Variants in DOCK1 observed in about 807,000 individuals in gnomAD.
The protein encoded by DOCK1 is dedicator of cytokinesis protein 1.
DOCK1 carries 138 observed loss-of-function variants against 262.7 expected under a neutral mutation model. That is an observed-to-expected ratio of 0.53 (90% CI 0.46 to 0.61). The LOEUF (loss-of-function observed/expected upper bound fraction) is 0.61. Ranked by LOEUF, DOCK1 falls within the 20% of genes least tolerant of loss-of-function variation. The probability of loss-of-function intolerance (pLI) is 0.00; values close to 1 mark genes in which losing one functional copy is unlikely to be tolerated. For synonymous variants in DOCK1, 866 were observed against 867.4 expected, an observed-to-expected ratio of 1.00 and a Z score of 0.03; for missense variants, 1,908 against 2,370.7, an observed-to-expected ratio of 0.80 and a Z score of 4.05.
chr10:127,121,256 T>C (rs2049546020), intron 25 of DOCK1, among the ~76,000 whole-genome samples: 1 of 151,742 alleles, frequency 6.6e-6, no homozygotes, highest in Non-Finnish European at 1.5e-5. Flanking sequence ...TGGTGGATTA[T>C]TTGTTGGCTT....
At chr10:127,412,471 A>C (rs1437906457) in intron 43 of DOCK1, among the ~76,000 whole-genome samples, 1 of 151,090 alleles carries the variant, frequency 6.6e-6, no homozygotes, top group African/African-American at 2.4e-5. Context: ...TGCCTGGGAA[A>C]CCTCCGGAAA....
At chr10:127,086,054 G>C (rs930191095) in intron 23 of DOCK1, among the ~76,000 whole-genome samples, 1 of 152,122 alleles carries the variant, frequency 6.6e-6, no homozygotes, top group Admixed American at 6.5e-5. Flanking sequence ...TGCTATGGGA[G>C]GTGCTGGAAA....
chr10:126,913,608 T>C (rs575083754), intron 1 of DOCK1, among the ~76,000 whole-genome samples: 3 of 152,208 alleles, frequency 2.0e-5, no homozygotes, highest in Non-Finnish European at 4.4e-5. Flanking sequence ...TGATGATGAC[T>C]TACAAGCTCA....
At chr10:127,222,421 A>G (rs1301323917) in intron 27 of DOCK1, among the ~76,000 whole-genome samples, 4 of 152,160 alleles carry the variant, frequency 2.6e-5, no homozygotes, top group Non-Finnish European at 5.9e-5. Context: ...CATACCCACA[A>G]ATACTGGGTT....
chr10:126,997,347 A>G (rs577297170), intron 7 of DOCK1, among the ~76,000 whole-genome samples: 2 of 152,268 alleles, frequency 1.3e-5, no homozygotes, highest in African/African-American at 4.8e-5. Flanking sequence ...TAAAGAAAAG[A>G]GGTTTAATTG....
intron 27 of DOCK1, among the ~76,000 whole-genome samples, chr10:127,145,218 G>C (rs2051690232): frequency 1.3e-5 from 2 of 152,042 alleles, no homozygotes; most frequent in African/African-American, 2.4e-5. Context: ...AGAGAACCTG[G>C]CATCCCATAA....
rs112964162 is a variant in DOCK1, at chr10:127,238,630, C to T, written c.2848-9378C>T. Among the ~76,000 whole-genome samples, 14 of 152,192 alleles carry T rather than the reference C, an allele frequency of 9.2e-5. 1 individual carries two copies. Among genetic ancestry groups the T allele is most frequent in the African/African-American group, 2.9e-4 (12 of 41,518 alleles). On this transcript the variant is annotated intron_variant, in intron 27 of 51. Transcript: ENST00000623213. ...ATTTGCTACATTTGTTTGTTGTCAT[C>T]GTTCATTTTGATATTCAGATTGTCT...
intron 1 of DOCK1, among the ~76,000 whole-genome samples, chr10:126,933,449 C>T (rs2034330201): frequency 6.6e-6 from 1 of 152,142 alleles, no homozygotes. Flanking sequence ...TGCCTCCTGC[C>T]TGTAAAAGTT....
intron 23 of DOCK1, among the ~76,000 whole-genome samples, chr10:127,090,901 C>A (rs934885012): frequency 6.6e-6 from 1 of 151,842 alleles, no homozygotes; most frequent in Non-Finnish European, 1.5e-5. Flanking sequence ...GGATGCACAC[C>A]TGGCTTACTT....
At chr10:127,250,603 C>G (rs535322167) in intron 28 of DOCK1, among the ~76,000 whole-genome samples, 1 of 151,752 alleles carries the variant, frequency 6.6e-6, no homozygotes, top group South Asian at 2.1e-4. Flanking sequence ...ACAACCTGGC[C>G]AACATGGCAA....
chr10:127,225,548 AG>A (rs2058603421), intron 27 of DOCK1, among the ~76,000 whole-genome samples: 1 of 152,244 alleles, frequency 6.6e-6, no homozygotes. Flanking sequence ...AACCAAATGA[AG>A]GGCTTCATTA....
intron 39 of DOCK1, 114 bp from the exon 40 acceptor site, chr10:127,404,211 C>G (rs568253461): frequency 4.1e-6 from 3 of 734,802 alleles, no homozygotes; most frequent in Non-Finnish European, 6.8e-6. Context: ...CCCACCATCT[C>G]CCCCTCCCAC....
chr10:126,961,832 C>T (rs2037247683), intron 1 of DOCK1, among the ~76,000 whole-genome samples: 1 of 152,062 alleles, frequency 6.6e-6, no homozygotes, highest in African/African-American at 2.4e-5. Context: ...TATTCCAGAC[C>T]TTGCTTCTGG....
chr10:127,004,772 A>T (rs12776399), intron 10 of DOCK1, among the ~76,000 whole-genome samples: 2 of 15,016 alleles, frequency 1.3e-4, no homozygotes, highest in East Asian at 3.0e-3. Context: ...CTGCCCCGCC[A>T]CCCCCCCGCC....
chr10:126,912,130 T>C (rs910629538), intron 1 of DOCK1, among the ~76,000 whole-genome samples: 4 of 152,112 alleles, frequency 2.6e-5, no homozygotes, highest in Non-Finnish European at 4.4e-5. Context: ...CATTTCCTCT[T>C]CTTACAAGGC....
intron 27 of DOCK1, among the ~76,000 whole-genome samples, chr10:127,152,638 A>G (rs1049314759): frequency 5.3e-4 from 81 of 152,248 alleles, no homozygotes; most frequent in African/African-American, 1.7e-3. Context: ...CAGGCAGCAT[A>G]GGATGTCAGC....
intron 29 of DOCK1, among the ~76,000 whole-genome samples, chr10:127,338,564 T>C (rs1488383456): frequency 3.9e-5 from 6 of 152,210 alleles, no homozygotes; most frequent in South Asian, 2.1e-4. Flanking sequence ...CCTGGAGATA[T>C]TGCAGCAACC....
chr10:127,127,501 C>G (rs2133099451), intron 26 of DOCK1, among the ~76,000 whole-genome samples, 168 bp from the exon 27 acceptor site: 1 of 152,194 alleles, frequency 6.6e-6, no homozygotes, highest in Non-Finnish European at 1.5e-5. Flanking sequence ...ATAAAAACCC[C>G]TGAGTTTTTT....
rs780666103 is a variant in DOCK1, at chr10:127,362,023, A to G, written c.3284-41A>G. On this transcript the variant is annotated intron_variant, in intron 32 of 51. Transcript: ENST00000623213. ...CCATTTAAGCCCATTTTAGAATTCTATTTTTCTTTATTTCTGAATATTGTA... is the reference window on the plus strand; with the variant it reads ...CCATTTAAGCCCATTTTAGAATTCTGTTTTTCTTTATTTCTGAATATTGTA... 13 of 1,551,316 alleles carry G rather than the reference A, an allele frequency of 8.4e-6. No individual in the cohort carries two copies. In the East Asian group the frequency reaches 2.1e-4, roughly 25 times the overall value.
Sources: gnomAD v4.1 joint callset for allele counts (sites outside exome capture counted in the v4.1 genomes callset) on GRCh38, gnomAD v4.1.1 for gene constraint, MANE v1.5 for transcripts, NCBI Gene and HGNC (gene_info 2026-07-23, HGNC 2026-07-21) for gene names.